Variants in MTUS2 observed in about 807,000 individuals in gnomAD.
MTUS2 encodes the protein microtubule-associated tumor suppressor candidate 2.
In MTUS2, 40 loss-of-function variants were observed where a neutral mutation model predicts 114.1. That is an observed-to-expected ratio of 0.35 (90% CI 0.27 to 0.46). The LOEUF (loss-of-function observed/expected upper bound fraction) is 0.46, where lower values mean the gene tolerates loss of function less well. Ranked by LOEUF, MTUS2 falls within the 20% of genes least tolerant of loss-of-function variation. The pLI is 1.00. For missense variants in MTUS2, 1,679 were observed against 1,705.4 expected (o/e 0.98, Z 0.27); for synonymous variants, 688 against 672.0 (o/e 1.02, Z -0.37).
At chr13:29,330,549 G>T (rs111634029) in intron 7 of MTUS2, among the ~76,000 whole-genome samples, 11,470 of 152,132 alleles carry the variant, frequency 0.075, 1,366 homozygotes, top group African/African-American at 0.25. Context: ...TTTTCTTTTA[G>T]GGTTTTTGTG....
At chr13:28,993,046 T>G (rs953113019) in intron 2 of MTUS2, among the ~76,000 whole-genome samples, 4 of 152,368 alleles carry the variant, frequency 2.6e-5, no homozygotes, top group African/African-American at 9.6e-5. Context: ...CAAGGTTCCA[T>G]GTTGCAGGAT....
chr13:29,032,153 T>C (rs914096683), intron 3 of MTUS2, among the ~76,000 whole-genome samples: 2 of 152,164 alleles, frequency 1.3e-5, no homozygotes, highest in African/African-American at 2.4e-5. Context: ...CCTTGTTTAA[T>C]TAAAAATGCA....
intron 6 of MTUS2, among the ~76,000 whole-genome samples, chr13:29,317,849 C>A (rs59678890): frequency 6.6e-6 from 1 of 152,222 alleles, no homozygotes; most frequent in Non-Finnish European, 1.5e-5. Flanking sequence ...CTACCTTGAA[C>A]TGTTCCCATT....
rs1444932659 is a variant in MTUS2 at position 29,026,798 on chromosome 13, G to A, written c.2100G>A (p.Lys700=). Residue 700 remains lysine, a synonymous_variant, in exon 3 of 16, where the codon AAG becomes AAA. Coordinates refer to ENST00000612955, the MANE Select transcript of MTUS2 (RefSeq NM_001033602.4). ...CTGCCAACCTCTATGAGAAATTCAA[G>A]CCAGACCTGCAGAAGCCAAGGGTCT... is the stretch of plus-strand genomic sequence containing the variant. The part of the protein sequence containing the change: ...KPSANLYEKF[K]PDLQKPRVFS... 1.9e-6 allele frequency: 3 copies of A among 1,613,128 alleles called. No homozygotes were observed. Among genetic ancestry groups the A allele is most frequent in the African/African-American group, 1.3e-5 (1 of 74,936 alleles).
intron 2 of MTUS2, among the ~76,000 whole-genome samples, chr13:28,991,659 C>T (rs146015617): frequency 0.018 from 2,702 of 152,242 alleles, 82 homozygotes; most frequent in African/African-American, 0.061. Flanking sequence ...TGAGCCACCG[C>T]GCCCGGGTGT....
At position 29,504,151 on chromosome 13, in the gene MTUS2, A is replaced by G. The variant is rs913030524; in HGVS notation, c.*945A>G. Reference sequence around the variant, plus strand: ...GATGACCTTGCAGATGACTGTGCCCATTCGCGCTCCATCCTCATGAAGGAA... The same window carrying G: ...GATGACCTTGCAGATGACTGTGCCCGTTCGCGCTCCATCCTCATGAAGGAA... On this transcript the variant is annotated 3_prime_UTR_variant, in exon 16 of 16. Coordinates refer to ENST00000612955, the MANE Select transcript of MTUS2 (RefSeq NM_001033602.4). 4.7e-5 allele frequency: 11 copies of G among 232,274 alleles called. No individual in the cohort carries two copies. The highest frequency in any genetic ancestry group is 7.7e-5 in the Non-Finnish European group (9 of 117,496). The allele number at this position is 232,274 out of a possible 1,614,324, so 14.4% of individuals were successfully genotyped here.
At chr13:29,413,327 G>A (rs146412637) in intron 8 of MTUS2, among the ~76,000 whole-genome samples, 51 of 152,126 alleles carry the variant, frequency 3.4e-4, no homozygotes, top group African/African-American at 1.1e-3. Context: ...AGATTTAAAC[G>A]TTAGACCTAA....
intron 2 of MTUS2, among the ~76,000 whole-genome samples, chr13:28,900,949 T>C (rs1218323004): frequency 1.3e-5 from 2 of 152,216 alleles, no homozygotes; most frequent in Non-Finnish European, 1.5e-5. Context: ...GTCTAGGCTT[T>C]TAAAAAAGTG....
At chr13:28,871,727 G>A (rs1389254228) in intron 2 of MTUS2, among the ~76,000 whole-genome samples, 2 of 152,202 alleles carry the variant, frequency 1.3e-5, no homozygotes, top group Non-Finnish European at 2.9e-5. Flanking sequence ...AGTACAGCAG[G>A]ATAAGGAGAT....
intron 4 of MTUS2, among the ~76,000 whole-genome samples, chr13:29,054,395 C>T (rs1012519213): frequency 6.6e-6 from 1 of 151,962 alleles, no homozygotes; most frequent in African/African-American, 2.4e-5. Context: ...CAGTGTCTTT[C>T]AAAGAGTAGA....
chr13:29,350,318 G>A (rs1869120493), intron 7 of MTUS2, among the ~76,000 whole-genome samples: 1 of 150,542 alleles, frequency 6.6e-6, no homozygotes, highest in Non-Finnish European at 1.5e-5. Context: ...TGTTGGTAGA[G>A]TCTATCTCGT....
intron 7 of MTUS2, among the ~76,000 whole-genome samples, chr13:29,356,944 A>G (rs987246369): frequency 6.6e-6 from 1 of 152,104 alleles, no homozygotes; most frequent in African/African-American, 2.4e-5. Flanking sequence ...GTTGATCCCA[A>G]AAGTGGGTGT....
Position 29,026,154 on chromosome 13 carries a change from C to T in MTUS2, c.1456C>T (p.Pro486Ser), listed in dbSNP as rs1027114751. 5.0e-6 allele frequency: 8 copies of T among 1,613,868 alleles called. No homozygotes were observed. Among genetic ancestry groups the T allele is most frequent in the African/African-American group, 4.0e-5 (3 of 74,912 alleles). Residue 486 changes from proline to serine, a missense_variant, in exon 3 of 16, where the codon CCC becomes TCC. Physicochemically the swap from Pro to Ser is moderately conservative, Grantham distance 74. This residue lies in a region of MTUS2 where 843 missense variants were observed against 770.8 expected (regional missense o/e 1.09). Transcript: ENST00000612955. The stretch of plus-strand genomic sequence containing the variant: ...AGAGAACAAGACGGAGGTGCCTGAG[C>T]CCCTGGACCCTCAAAGTGGCCGCTC... ...VGENKTEVPE[P>S]LDPQSGRSEA...
rs544507046 is a variant in MTUS2, at chr13:29,024,910, G to C, written c.212G>C (p.Arg71Pro). The C allele has an allele frequency of 2.5e-6, 4 of 1,613,694 alleles. No homozygotes were observed. Among genetic ancestry groups the C allele is most frequent in the Non-Finnish European group, 3.4e-6 (4 of 1,179,836 alleles). The change falls in exon 3 of 16, where the codon CGT (arginine) becomes CCT (proline). Residue 71 changes from arginine (R) to proline (P), a missense_variant. This residue lies in a region of MTUS2 where 843 missense variants were observed against 770.8 expected (regional missense o/e 1.09). Transcript: ENST00000612955. The part of the protein sequence containing the change: ...GNTNSSEPEN[R>P]THFHKEFHQL... The stretch of plus-strand genomic sequence containing the variant: ...ACAAATTCAAGTGAGCCAGAAAACC[G>C]TACCCATTTCCATAAGGAATTTCAC...
chr13:29,482,542 T>C (rs989677057), intron 10 of MTUS2, among the ~76,000 whole-genome samples: 3 of 152,204 alleles, frequency 2.0e-5, no homozygotes, highest in Admixed American at 1.3e-4. Flanking sequence ...CATTCACCTG[T>C]GCAAAGAATA....
chr13:28,965,561 A>G (rs1883540085), intron 2 of MTUS2, among the ~76,000 whole-genome samples: 2 of 152,172 alleles, frequency 1.3e-5, no homozygotes, highest in South Asian at 4.1e-4. Flanking sequence ...GAGCAAATAG[A>G]ATGTATACGC....
intron 2 of MTUS2, among the ~76,000 whole-genome samples, chr13:28,985,192 G>A (rs184984606): frequency 3.9e-4 from 60 of 152,246 alleles, no homozygotes; most frequent in African/African-American, 1.2e-3. Flanking sequence ...CCCAGATATC[G>A]GAGCTTAATG....
In MTUS2 at chr13:29,502,406, TGC is replaced by T. The variant is rs1317419752; in HGVS notation, c.3897-586_3897-585del. 1.1e-3 allele frequency among the ~76,000 whole-genome samples: 161 copies of T among 152,382 alleles called. 1 individual carries two copies. Among genetic ancestry groups the T allele is most frequent in the African/African-American group, 3.8e-3 (157 of 41,594 alleles). On this transcript the variant is annotated intron_variant, in intron 15 of 15. Coordinates refer to ENST00000612955, the MANE Select transcript of MTUS2 (RefSeq NM_001033602.4). ...TGTTACGTGCCTAGCACCAGCTGGA[TGC>T]TGGGAGTTCAGCATGCAGAGCCTTG...
In MTUS2 at chr13:29,134,828, C is replaced by T. The variant is rs540767839; in HGVS notation, c.2644+33858C>T. 9.2e-5 allele frequency among the ~76,000 whole-genome samples: 14 copies of T among 152,290 alleles called. No homozygotes were observed. In the East Asian group the frequency reaches 9.7e-4, roughly 10 times the overall value. ...GCCAGGCTCCTGATCTCAGGTGATGCGCCCGCCTTGACCTTCCAAAGTGCT... is the reference window on the plus strand; with the variant it reads ...GCCAGGCTCCTGATCTCAGGTGATGTGCCCGCCTTGACCTTCCAAAGTGCT... On this transcript the variant is annotated intron_variant, in intron 5 of 15. Transcript: ENST00000612955.
Sources: allele counts gnomAD v4.1 joint callset (sites outside exome capture counted in the v4.1 genomes callset), GRCh38; gene constraint gnomAD v4.1.1; regional missense constraint gnomAD v4.1.1; transcripts MANE v1.5; gene names NCBI Gene and HGNC (gene_info 2026-07-23, HGNC 2026-07-21).